TBC1D23: variants seen among roughly 807,000 people sequenced by gnomAD.
The protein encoded by TBC1D23 is HCV non-structural protein 4A-transactivated protein 1.
TBC1D23 carries 55 observed loss-of-function variants against 91.4 expected under a neutral mutation model. The observed-to-expected ratio is 0.60, with a 90% CI of 0.48 to 0.75. The LOEUF (loss-of-function observed/expected upper bound fraction) is 0.75. TBC1D23 is among the 30% of genes least tolerant of loss of function. The pLI is 0.00. For synonymous variants in TBC1D23, 289 were observed against 281.0 expected, an observed-to-expected ratio of 1.03 and a Z score of -0.28; for missense variants, 725 against 836.1, an observed-to-expected ratio of 0.87 and a Z score of 1.64.
At chr3:100,303,434 G>A (rs774241280) in intron 11 of TBC1D23, among the ~76,000 whole-genome samples, 2 of 152,026 alleles carry the variant, frequency 1.3e-5, no homozygotes, top group African/African-American at 2.4e-5. Flanking sequence ...ACAAAAATAA[G>A]GAACCAAACT....
intron 13 of TBC1D23, among the ~76,000 whole-genome samples, chr3:100,307,391 A>G (rs909884190): frequency 1.3e-5 from 2 of 152,252 alleles, no homozygotes; most frequent in African/African-American, 4.8e-5. Context: ...TACTTTCTTC[A>G]TGATCTCCAG....
intron 1 of TBC1D23, among the ~76,000 whole-genome samples, chr3:100,278,675 C>T (rs1447745514): frequency 6.6e-6 from 1 of 152,120 alleles, no homozygotes; most frequent in East Asian, 1.9e-4. Context: ...TGAGCCACTG[C>T]GCCCAGCTGG....
intron 12 of TBC1D23, 37 bp downstream of exon 12, chr3:100,304,925 T>G: frequency 8.5e-7 from 1 of 1,170,840 alleles, no homozygotes; most frequent in Non-Finnish European, 1.3e-6. Flanking sequence ...TCCTCTATGT[T>G]TCAGAAGAAA....
At chr3:100,274,410 T>A (rs77877613) in intron 1 of TBC1D23, among the ~76,000 whole-genome samples, 3 of 152,220 alleles carry the variant, frequency 2.0e-5, no homozygotes, top group Non-Finnish European at 4.4e-5. Context: ...TTGATTTTTT[T>A]AAATTGTGGT....
rs564153503 is a variant in TBC1D23, at chr3:100,299,335, A to C, written c.1092+4A>C. Reference sequence around the variant, plus strand: ...TTTCCACTTAGATTCAGACCTGGTTAGTATAAATGCTGATTAATTATTCTT... The same window carrying C: ...TTTCCACTTAGATTCAGACCTGGTTCGTATAAATGCTGATTAATTATTCTT... On this transcript the variant is annotated splice_donor_region_variant and intron_variant, in intron 10 of 18. Coordinates refer to ENST00000394144, the MANE Select transcript of TBC1D23 (RefSeq NM_001199198.3). The C allele has an allele frequency of 5.1e-6, 8 of 1,563,594 alleles. No homozygotes were observed. Among genetic ancestry groups the C allele is most frequent in the Non-Finnish European group, 7.0e-6 (8 of 1,135,900 alleles).
chr3:100,292,727 G>A lies in TBC1D23; in HGVS notation c.600+2026G>A, dbSNP rs2067802754. On this transcript the variant is annotated intron_variant, in intron 5 of 18. Coordinates refer to ENST00000394144, the MANE Select transcript of TBC1D23 (RefSeq NM_001199198.3). ...TGATTCTCCCACCTCAGCCTCCTGA[G>A]TAGCTGGGACCACAGGCATGCACCA... 2.0e-5 allele frequency among the ~76,000 whole-genome samples: 3 copies of A among 152,154 alleles called. 1 individual carries two copies. Among genetic ancestry groups the A allele is most frequent in the South Asian group, 4.1e-4 (2 of 4,822 alleles).
At chr3:100,308,887 T>C (rs1044583075) in intron 13 of TBC1D23, among the ~76,000 whole-genome samples, 14 of 152,354 alleles carry the variant, frequency 9.2e-5, no homozygotes, top group African/African-American at 2.9e-4. Flanking sequence ...CGAAGTTGCC[T>C]TCTAGGAAGG....
At chr3:100,293,104 A>AGTTTTTTT (rs1553728684) in intron 5 of TBC1D23, among the ~76,000 whole-genome samples, 1 of 150,398 alleles carries the variant, frequency 6.6e-6, no homozygotes, top group Non-Finnish European at 1.5e-5. Context: ...TATGCCAGAT[A>AGTTTTTTT]GTTTGTTTGT....
At chr3:100,315,896 A>G (rs538595529) in intron 15 of TBC1D23, 2 of 568,052 alleles carry the variant, frequency 3.5e-6, no homozygotes, top group South Asian at 2.4e-5. Flanking sequence ...CCAAGGCCTT[A>G]TGCCACTTTT....
At chr3:100,308,116 T>G (rs1705546310) in intron 13 of TBC1D23, among the ~76,000 whole-genome samples, 1 of 152,240 alleles carries the variant, frequency 6.6e-6, no homozygotes, top group African/African-American at 2.4e-5. Context: ...ACAGTTTAAT[T>G]TGGCTCTGAA....
At chr3:100,262,739 A>AAG (rs1553725969) in intron 1 of TBC1D23, among the ~76,000 whole-genome samples, 1 of 151,500 alleles carries the variant, frequency 6.6e-6, no homozygotes, top group South Asian at 2.1e-4. Context: ...AAAAAAAAAA[A>AAG]AAAAAACACT....
chr3:100,296,405 AT>A lies in TBC1D23; in HGVS notation c.876+141del, dbSNP rs5851199. On this transcript the variant is annotated intron_variant, in intron 8 of 18. Coordinates refer to ENST00000394144, the MANE Select transcript of TBC1D23 (RefSeq NM_001199198.3). ...TCTTTATGTGTTGTAGTTTTGTGTGATTTTTTTTTTTCATCTCTGTAAATAC... is the reference window on the plus strand; with the variant it reads ...TCTTTATGTGTTGTAGTTTTGTGTGATTTTTTTTTTCATCTCTGTAAATAC... 119,335 of 462,940 alleles carry A rather than the reference AT, an allele frequency of 0.26. 13,156 individuals are homozygous for A. Among genetic ancestry groups the A allele is most frequent in the East Asian group, 0.49 (13,170 of 26,752 alleles). The allele number at this position is 462,940 out of a possible 1,614,324, so 28.7% of individuals were successfully genotyped here. A position where few individuals can be genotyped will look rare whatever the true frequency, so the allele number is the denominator to read the frequency against.
chr3:100,300,336 A>ATT (rs2148863996), intron 10 of TBC1D23, among the ~76,000 whole-genome samples: 1 of 152,170 alleles, frequency 6.6e-6, no homozygotes, highest in Non-Finnish European at 1.5e-5. Flanking sequence ...GGGTGTGTGA[A>ATT]AGGGCCTAGG....
Position 100,324,891 on chromosome 3 carries a change from T to C in TBC1D23, c.*1223T>C, listed in dbSNP as rs530128036. ...CTCTAAGGGGTTGATGGGAGAAATA[T>C]TTAGATGTACCCTGTTAACAGCCAG... On this transcript the variant is annotated 3_prime_UTR_variant, in exon 19 of 19. Transcript: ENST00000394144. 7.2e-4 allele frequency: 109 copies of C among 152,304 alleles called. No homozygotes were observed. The highest frequency in any genetic ancestry group is 2.4e-3 in the African/African-American group (98 of 41,564). 9.4% of individuals were successfully genotyped at this position (152,304 alleles called of 1,614,324 possible).
At chr3:100,316,261 C>G (rs1559816060) in intron 16 of TBC1D23, 74 bp downstream of exon 16, 1 of 989,400 alleles carries the variant, frequency 1.0e-6, no homozygotes, top group African/African-American at 1.6e-5. Flanking sequence ...CTGGGAATAG[C>G]CAATCAACTG....
intron 9 of TBC1D23, among the ~76,000 whole-genome samples, chr3:100,298,689 A>T (rs1705354097): frequency 6.6e-6 from 1 of 152,228 alleles, no homozygotes; most frequent in Non-Finnish European, 1.5e-5. Flanking sequence ...TTCAAAATAC[A>T]AGCATCTCAC....
intron 11 of TBC1D23, among the ~76,000 whole-genome samples, chr3:100,304,457 G>A (rs1479475496): frequency 6.6e-6 from 1 of 151,604 alleles, no homozygotes; most frequent in African/African-American, 2.4e-5. Context: ...TTCATAATTA[G>A]CTGTAATGTT....
intron 5 of TBC1D23, among the ~76,000 whole-genome samples, chr3:100,293,207 C>T (rs2067808077): frequency 6.6e-6 from 1 of 152,086 alleles, no homozygotes; most frequent in South Asian, 2.1e-4. Context: ...GATCTTGGCT[C>T]ACTGCAAGCT....
At chr3:100,311,385 G>A (rs945496746) in intron 14 of TBC1D23, among the ~76,000 whole-genome samples, 1 of 152,094 alleles carries the variant, frequency 6.6e-6, no homozygotes, top group African/African-American at 2.4e-5. Context: ...TAGCCGAGAA[G>A]GTAATAGATT....
Sources: gnomAD v4.1 joint callset for allele counts (sites outside exome capture counted in the v4.1 genomes callset) on GRCh38, gnomAD v4.1.1 for gene constraint, MANE v1.5 for transcripts, NCBI Gene and HGNC (gene_info 2026-07-23, HGNC 2026-07-21) for gene names.